The following SGCZ variants were observed in gnomAD, a reference collection of about 807,000 sequenced individuals.
SGCZ encodes sarcoglycan zeta.
In SGCZ, 40 loss-of-function variants were observed where a neutral mutation model predicts 41.3. The observed-to-expected ratio is 0.97, with a 90% CI of 0.75 to 1.26. The LOEUF (loss-of-function observed/expected upper bound fraction) is 1.26, where lower values mean the gene tolerates loss of function less well. Ranked by LOEUF, SGCZ falls within the 50% of genes most tolerant of loss-of-function variation. The pLI, the probability that SGCZ is intolerant of heterozygous loss-of-function variation, is 0.00. For missense variants in SGCZ, 552 were observed against 369.8 expected (o/e 1.49, Z -4.04); for synonymous variants, 206 against 137.5 (o/e 1.50, Z -3.49).
intron 2 of SGCZ, among the ~76,000 whole-genome samples, chr8:14,350,715 G>A (rs756866610): frequency 6.6e-6 from 1 of 151,964 alleles, no homozygotes; most frequent in African/African-American, 2.4e-5. Context: ...TCTGTCCAAT[G>A]CTCCTTCTTT....
intron 5 of SGCZ, among the ~76,000 whole-genome samples, chr8:14,124,371 A>G (rs1394574623): frequency 2.0e-5 from 3 of 152,056 alleles, no homozygotes; most frequent in African/African-American, 7.2e-5. Flanking sequence ...ATTTTATCCA[A>G]CTTATGTGAA....
intron 4 of SGCZ, among the ~76,000 whole-genome samples, chr8:14,231,169 G>GTGTGTGTGTT (rs1223458752): frequency 6.7e-6 from 1 of 148,980 alleles, no homozygotes; most frequent in East Asian, 2.0e-4. Flanking sequence ...AAGTGTGTGT[G>GTGTGTGTGTT]TGTGTGTGTG....
intron 2 of SGCZ, among the ~76,000 whole-genome samples, chr8:14,455,547 GTAGA>G (rs1210419996): frequency 5.9e-5 from 9 of 151,522 alleles, no homozygotes; most frequent in African/African-American, 2.2e-4. Flanking sequence ...GACAGATTAG[GTAGA>G]TAGATAGATC....
In SGCZ at chr8:15,227,324, G is replaced by A. The variant is rs1801809370; in HGVS notation, c.39+10261C>T. Among the ~76,000 whole-genome samples the A allele has an allele frequency of 1.3e-5, 2 of 152,156 alleles. 1 individual carries two copies. The highest frequency in any genetic ancestry group is 4.1e-4 in the South Asian group (2 of 4,830). ...CTATTAAATGATTCTGAGAGTGGAA[G>A]ATCAAATAGGTAAATATTCATATAA... On this transcript the variant is annotated intron_variant, in intron 1 of 7. Coordinates refer to ENST00000382080, the MANE Select transcript of SGCZ (RefSeq NM_139167.4).
chr8:14,618,777 C>A (rs1806189430), intron 1 of SGCZ, among the ~76,000 whole-genome samples: 1 of 151,992 alleles, frequency 6.6e-6, no homozygotes, highest in South Asian at 2.1e-4. Flanking sequence ...GTGAAATGAA[C>A]AGAGTATATG....
chr8:15,064,534 CAAA>C lies in SGCZ; in HGVS notation c.39+173048_39+173050del, dbSNP rs199980199. Among the ~76,000 whole-genome samples the C allele has an allele frequency of 1.6e-3, 215 of 132,004 alleles. 1 individual carries two copies. Among genetic ancestry groups the C allele is most frequent in the African/African-American group, 4.2e-3 (126 of 29,962 alleles). 86.6% of individuals were successfully genotyped at this position (132,004 alleles called of 152,430 possible). On this transcript the variant is annotated intron_variant, in intron 1 of 7. Transcript: ENST00000382080. ...CTCAAGAACAAACCTCCAGGCCTCT[CAAA>C]AAAAAAAAAAAAAAAAAAAAAAAGT...
At chr8:15,226,015 A>C (rs149937778) in intron 1 of SGCZ, among the ~76,000 whole-genome samples, 1 of 152,328 alleles carries the variant, frequency 6.6e-6, no homozygotes, top group Non-Finnish European at 1.5e-5. Context: ...AGCTATGATG[A>C]CTAAGTAACT....
chr8:14,704,422 A>C (rs2117607636), intron 1 of SGCZ, among the ~76,000 whole-genome samples: 1 of 152,152 alleles, frequency 6.6e-6, no homozygotes, highest in African/African-American at 2.4e-5. Context: ...ATTCCAAATT[A>C]AATTTTGATA....
At chr8:14,378,275 G>A (rs1361753358) in intron 2 of SGCZ, among the ~76,000 whole-genome samples, 1 of 151,800 alleles carries the variant, frequency 6.6e-6, no homozygotes, top group Non-Finnish European at 1.5e-5. Context: ...TTTCTCTGAT[G>A]GCCAGTGATG....
chr8:14,444,292 C>T (rs1272772134), intron 2 of SGCZ, among the ~76,000 whole-genome samples: 2 of 152,140 alleles, frequency 1.3e-5, no homozygotes, highest in African/African-American at 4.8e-5. Flanking sequence ...TACCATTTAT[C>T]CCAGCCTTTC....
chr8:14,336,364 A>T (rs1834710), intron 2 of SGCZ, among the ~76,000 whole-genome samples: 4 of 151,882 alleles, frequency 2.6e-5, no homozygotes, highest in African/African-American at 9.7e-5. Flanking sequence ...TGTTGATTCT[A>T]TGTCTTTGAT....
At chr8:14,865,386 C>G (rs1246476589) in intron 1 of SGCZ, among the ~76,000 whole-genome samples, 1 of 152,078 alleles carries the variant, frequency 6.6e-6, no homozygotes, top group African/African-American at 2.4e-5. Flanking sequence ...CCTATGATGT[C>G]TACCATAGAA....
intron 2 of SGCZ, among the ~76,000 whole-genome samples, chr8:14,326,275 G>A (rs1452079911): frequency 6.6e-6 from 1 of 151,956 alleles, no homozygotes; most frequent in East Asian, 1.9e-4. Flanking sequence ...GGGATGTTGT[G>A]ATCAGTATCA....
intron 1 of SGCZ, among the ~76,000 whole-genome samples, chr8:14,807,108 C>T (rs1038880820): frequency 6.6e-6 from 1 of 151,780 alleles, no homozygotes; most frequent in Non-Finnish European, 1.5e-5. Context: ...CTATGACAAA[C>T]CCACAGCCAA....
intron 1 of SGCZ, among the ~76,000 whole-genome samples, chr8:15,189,136 A>C (rs1800446377): frequency 6.6e-6 from 1 of 152,182 alleles, no homozygotes; most frequent in African/African-American, 2.4e-5. Flanking sequence ...TTGCTTTGAT[A>C]TAGATCAATC....
intron 1 of SGCZ, among the ~76,000 whole-genome samples, chr8:14,898,470 T>A (rs1805285644): frequency 1.3e-5 from 2 of 152,180 alleles, no homozygotes; most frequent in Admixed American, 1.3e-4. Flanking sequence ...CACTTTATTC[T>A]GAGAAGATAT....
intron 1 of SGCZ, among the ~76,000 whole-genome samples, chr8:15,030,509 G>C (rs2130957428): frequency 6.6e-6 from 1 of 152,206 alleles, no homozygotes; most frequent in Non-Finnish European, 1.5e-5. Context: ...GTTATCAGCT[G>C]TTCAAAGGAC....
chr8:15,005,424 T>C (rs1802577941), intron 1 of SGCZ, among the ~76,000 whole-genome samples: 1 of 147,036 alleles, frequency 6.8e-6, no homozygotes, highest in South Asian at 2.2e-4. Context: ...CTCTGCCTCC[T>C]GGGTTCGAGC....
At chr8:15,047,458 AT>A (rs1271871777) in intron 1 of SGCZ, among the ~76,000 whole-genome samples, 1 of 151,978 alleles carries the variant, frequency 6.6e-6, no homozygotes, top group Non-Finnish European at 1.5e-5. Flanking sequence ...TCCAAAGATG[AT>A]TTTTGGCAGT....
Sources: allele counts gnomAD v4.1 joint callset (sites outside exome capture counted in the v4.1 genomes callset), GRCh38; gene constraint gnomAD v4.1.1; transcripts MANE v1.5; gene names NCBI Gene and HGNC (gene_info 2026-07-23, HGNC 2026-07-21).